MEI4: variants seen among roughly 807,000 people sequenced by gnomAD.
The protein encoded by MEI4 is meiotic double-stranded break formation protein 4.
In MEI4, 27 loss-of-function variants were observed where a neutral mutation model predicts 31.4. The observed-to-expected ratio is 0.86, with a 90% confidence interval of 0.63 to 1.19. The LOEUF is 1.19. Among genes scored for constraint, MEI4 ranks in the 50% most tolerant of loss-of-function variants. The pLI, the probability that MEI4 is intolerant of heterozygous loss-of-function variation, is 0.00. For missense variants in MEI4, 329 were observed against 398.9 expected, an observed-to-expected ratio of 0.82 and a Z score of 1.49; for synonymous variants, 122 against 145.4, an observed-to-expected ratio of 0.84 and a Z score of 1.16.
chr6:77,919,596 AG>A (rs1766652723), intron 4 of MEI4, among the ~76,000 whole-genome samples: 1 of 151,862 alleles, frequency 6.6e-6, no homozygotes, highest in African/African-American at 2.4e-5. Context: ...GAACTACAAA[AG>A]CAAGAGCAAA....
intron 2 of MEI4, among the ~76,000 whole-genome samples, chr6:77,699,687 G>A (rs957161739): frequency 6.6e-6 from 1 of 152,000 alleles, no homozygotes; most frequent in African/African-American, 2.4e-5. Context: ...TTTCTGCTGT[G>A]TTTTTTCCCC....
At chr6:77,766,664 G>A (rs985793536) in intron 3 of MEI4, among the ~76,000 whole-genome samples, 3 of 151,980 alleles carry the variant, frequency 2.0e-5, no homozygotes, top group African/African-American at 4.8e-5. Flanking sequence ...CGCCCACCTC[G>A]GCCTCCCAAA....
chr6:77,802,493 G>A (rs991791210), intron 3 of MEI4, among the ~76,000 whole-genome samples: 2 of 152,162 alleles, frequency 1.3e-5, no homozygotes, highest in African/African-American at 4.8e-5. Flanking sequence ...ATTGTTATGT[G>A]TGAATTTGAT....
At chr6:77,745,702 T>G (rs942404705) in intron 2 of MEI4, among the ~76,000 whole-genome samples, 1 of 152,032 alleles carries the variant, frequency 6.6e-6, no homozygotes, top group African/African-American at 2.4e-5. Context: ...TATTCCAAAA[T>G]TGACCACATA....
intron 3 of MEI4, among the ~76,000 whole-genome samples, chr6:77,796,049 A>G (rs890627419): frequency 6.6e-6 from 1 of 152,200 alleles, no homozygotes; most frequent in Non-Finnish European, 1.5e-5. Flanking sequence ...AAAAGATCCT[A>G]TTCTATGATA....
rs1048394387 is a variant in MEI4, at chr6:77,841,660, T to A, written c.900+12598T>A. 1.5e-4 allele frequency among the ~76,000 whole-genome samples: 23 copies of A among 151,984 alleles called. No homozygotes were observed. The East Asian group carries it at 4.3e-3, about 28-fold the overall frequency. ...CCCAACCCTATAAATGTATATTTTA[T>A]CCTCTAGAACAAAATAATAAAGACC... On this transcript the variant is annotated intron_variant, in intron 4 of 4. Coordinates refer to ENST00000684080, the MANE Select transcript of MEI4 (RefSeq NM_001322247.2).
At chr6:77,764,801 T>C (rs971400112) in intron 3 of MEI4, among the ~76,000 whole-genome samples, 2 of 152,120 alleles carry the variant, frequency 1.3e-5, no homozygotes, top group African/African-American at 2.4e-5. Context: ...ACAACAACAA[T>C]AGGTAAAATG....
chr6:77,732,475 T>C (rs918455281), intron 2 of MEI4, among the ~76,000 whole-genome samples: 8 of 152,142 alleles, frequency 5.3e-5, no homozygotes, highest in Non-Finnish European at 1.2e-4. Flanking sequence ...TGCACATTGA[T>C]CTTGTATCCT....
At chr6:77,777,907 G>A (rs1481950928) in intron 3 of MEI4, among the ~76,000 whole-genome samples, 1 of 151,828 alleles carries the variant, frequency 6.6e-6, no homozygotes, top group East Asian at 1.9e-4. Context: ...TAAAAAATAT[G>A]GTTATGAAAA....
At chr6:77,676,639 C>A (rs1214237836) in intron 1 of MEI4, among the ~76,000 whole-genome samples, 1 of 152,148 alleles carries the variant, frequency 6.6e-6, no homozygotes, top group Non-Finnish European at 1.5e-5. Flanking sequence ...TGACTTCAGG[C>A]AATCCAGCCA....
At chr6:77,901,107 GT>G (rs1283328800) in intron 4 of MEI4, among the ~76,000 whole-genome samples, 1 of 151,868 alleles carries the variant, frequency 6.6e-6, no homozygotes, top group African/African-American at 2.4e-5. Context: ...TTCTTCACCT[GT>G]TCATCTGTTG....
chr6:77,662,208 G>A (rs182462791), intron 1 of MEI4, among the ~76,000 whole-genome samples: 1 of 152,316 alleles, frequency 6.6e-6, no homozygotes, highest in East Asian at 1.9e-4. Context: ...GTGGAGAGGG[G>A]CAGAGTGGTA....
intron 2 of MEI4, among the ~76,000 whole-genome samples, chr6:77,700,838 G>A (rs906009991): frequency 1.3e-5 from 2 of 152,112 alleles, no homozygotes; most frequent in African/African-American, 2.4e-5. Context: ...ATTGTATTTA[G>A]TAGGGGACTA....
chr6:77,860,838 C>T (rs1770846709), intron 4 of MEI4, among the ~76,000 whole-genome samples: 1 of 152,116 alleles, frequency 6.6e-6, no homozygotes, highest in South Asian at 2.1e-4. Context: ...TCTCATATCT[C>T]TCTCCCTCTT....
intron 2 of MEI4, among the ~76,000 whole-genome samples, chr6:77,746,186 G>A (rs1021212384): frequency 2.5e-4 from 38 of 152,222 alleles, no homozygotes; most frequent in South Asian, 6.2e-4. Context: ...TCCAGGAGCC[G>A]GTTTTTTGAA....
At chr6:77,883,745 A>ATATATCT in intron 4 of MEI4, among the ~76,000 whole-genome samples, 1 of 82,314 alleles carries the variant, frequency 1.2e-5, no homozygotes, top group African/African-American at 5.0e-5. Context: ...TATATATATA[A>ATATATCT]CTTTGTCTTT....
intron 4 of MEI4, among the ~76,000 whole-genome samples, chr6:77,848,579 T>C (rs1200563829): frequency 6.6e-6 from 1 of 152,154 alleles, no homozygotes; most frequent in African/African-American, 2.4e-5. Flanking sequence ...TTGAGGGCCA[T>C]GGGCTGGACT....
intron 3 of MEI4, among the ~76,000 whole-genome samples, chr6:77,815,107 C>A (rs1267058820): frequency 6.6e-6 from 1 of 152,016 alleles, no homozygotes; most frequent in Non-Finnish European, 1.5e-5. Context: ...GACAAACTTC[C>A]ACCATATCCT....
chr6:77,919,473 A>G lies in MEI4; in HGVS notation c.901-3616A>G, dbSNP rs576950097. ...AACGAGAACAAAGACACAACATACC[A>G]GAATCTTTGGGATGCATTCAAAGCA... is the stretch of plus-strand genomic sequence containing the variant. On this transcript the variant is annotated intron_variant, in intron 4 of 4. Transcript: ENST00000684080. 2.6e-5 allele frequency among the ~76,000 whole-genome samples: 4 copies of G among 152,242 alleles called. No individual in the cohort carries two copies. In the South Asian group the frequency reaches 8.3e-4, roughly 32 times the overall value.
Sources: gnomAD v4.1 joint callset for allele counts (sites outside exome capture counted in the v4.1 genomes callset) on GRCh38, gnomAD v4.1.1 for gene constraint, MANE v1.5 for transcripts, NCBI Gene and HGNC (gene_info 2026-07-23, HGNC 2026-07-21) for gene names.